The following DYNC2H1 variants were observed in gnomAD, a reference collection of about 807,000 sequenced individuals.
The protein encoded by DYNC2H1 is cytoplasmic dynein 2 heavy chain 1.
DYNC2H1 carries 410 observed loss-of-function variants against 570.0 expected under a neutral mutation model. That is an observed-to-expected ratio of 0.72 (90% CI 0.66 to 0.78). The LOEUF is 0.78. Among genes scored for constraint, DYNC2H1 ranks in the 30% least tolerant of loss-of-function variants. The pLI is 0.00. For missense variants in DYNC2H1, 4,865 were observed against 5,046.4 expected (o/e 0.96, Z 1.09); for synonymous variants, 1,688 against 1,677.6 (o/e 1.01, Z -0.15).
In DYNC2H1 at chr11:103,326,433, G is replaced by A. The variant is rs1434034088; in HGVS notation, c.12039+2443G>A. The stretch of plus-strand genomic sequence containing the variant: ...AGCCCTGTGGAGGGACGTACGAACC[G>A]CCTCTGTGCTGGCCCACAAACCTGC... On this transcript the variant is annotated intron_variant, in intron 82 of 88. Transcript: ENST00000375735. This position sits in a 1 kb window ranked among gnomAD's most constrained non-coding sequence, Gnocchi z 6.1. 1.3e-5 allele frequency among the ~76,000 whole-genome samples: 2 copies of A among 152,142 alleles called. No homozygotes were observed. The highest frequency in any genetic ancestry group is 1.5e-5 in the Non-Finnish European group (1 of 68,022).
intron 83 of DYNC2H1, among the ~76,000 whole-genome samples, chr11:103,397,477 T>C (rs1831877871): frequency 6.6e-6 from 1 of 152,220 alleles, no homozygotes; most frequent in African/African-American, 2.4e-5. Flanking sequence ...ACATACAATT[T>C]AACATGTTGC....
Position 103,204,970 on chromosome 11 carries a change from T to G in DYNC2H1, c.8454+6T>G. 6.5e-7 allele frequency: 1 copy of G among 1,547,916 alleles called. No individual in the cohort carries two copies. Among genetic ancestry groups the G allele is most frequent in the Non-Finnish European group, 8.7e-7 (1 of 1,149,476 alleles). Reference sequence around the variant, plus strand: ...CCAATAGCAGTATGAAGAAAGTAAGTTTAACAAATATTAAAAAATTTAAAA... The same window carrying G: ...CCAATAGCAGTATGAAGAAAGTAAGGTTAACAAATATTAAAAAATTTAAAA... On this transcript the variant is annotated splice_donor_region_variant and intron_variant, in intron 52 of 88. Coordinates refer to ENST00000375735, the MANE Select transcript of DYNC2H1 (RefSeq NM_001377.3). This position sits in a 1 kb window ranked among gnomAD's most constrained non-coding sequence, Gnocchi z 4.1.
intron 31 of DYNC2H1, among the ~76,000 whole-genome samples, chr11:103,168,053 T>C (rs958548972): frequency 1.3e-5 from 2 of 152,220 alleles, no homozygotes; most frequent in African/African-American, 4.8e-5. Context: ...CATTTTATGG[T>C]TCCCTCAGCC....
At chr11:103,220,386 A>C (rs980130480) in intron 56 of DYNC2H1, among the ~76,000 whole-genome samples, 1 of 152,166 alleles carries the variant, frequency 6.6e-6, no homozygotes, top group Non-Finnish European at 1.5e-5. Context: ...AATTGTCTCA[A>C]AACAAGTTAG....
rs778989999 is a variant in DYNC2H1 at position 103,200,150 on chromosome 11, T to G, written c.8193T>G (p.Ser2731=). ...TGGAGATGATCAATAGCCTTTTGTC[T>G]TCAGGCAAGTGAACAGTTTCTTTTC... ...TFLEMINSLL[S]SGEVPGLYTL... Residue 2731 remains serine, a synonymous_variant, in exon 50 of 89, where the codon TCT becomes TCG. Coordinates refer to ENST00000375735, the MANE Select transcript of DYNC2H1 (RefSeq NM_001377.3). 3.2e-6 allele frequency: 5 copies of G among 1,550,442 alleles called. No individual in the cohort carries two copies. The highest frequency in any genetic ancestry group is 4.4e-6 in the Non-Finnish European group (5 of 1,142,726).
At position 103,259,945 on chromosome 11, in the gene DYNC2H1, G is replaced by T. The variant is rs1238053472; in HGVS notation, c.10663G>T (p.Val3555Leu). The change falls in exon 70 of 89, where the codon GTA becomes TTA. Residue 3555 changes from valine (V) to leucine (L), a missense_variant. Physicochemically the swap from Val to Leu is conservative, Grantham distance 32. Transcript: ENST00000375735. ...ACTTATCAGCTCATTACAACATATG[G>T]TATATGAATATATATGTCGTTGTCT... ...QSLISSLQHM[V>L]YEYICRCLFK... 6.5e-7 allele frequency: 1 copy of T among 1,529,268 alleles called. No individual in the cohort carries two copies. The highest frequency in any genetic ancestry group is 2.0e-5 in the Admixed American group (1 of 50,340). 94.7% of individuals were successfully genotyped at this position (1,529,268 alleles called of 1,614,324 possible).
intron 73 of DYNC2H1, among the ~76,000 whole-genome samples, chr11:103,285,563 C>G (rs1208390830): frequency 6.6e-6 from 1 of 151,446 alleles, no homozygotes; most frequent in Non-Finnish European, 1.5e-5. Flanking sequence ...GCTGTGATCA[C>G]AGGCGCCCAC....
Position 103,280,269 on chromosome 11 carries a change from T to C in DYNC2H1, c.10696-79T>C. The C allele has an allele frequency of 2.9e-6, 4 of 1,394,888 alleles. No homozygotes were observed. The highest frequency in any genetic ancestry group is 2.5e-5 in the East Asian group (1 of 39,932). The allele number at this position is 1,394,888 out of a possible 1,614,324, so 86.4% of individuals were successfully genotyped here. ...TATGAAGACAGAATAGAGATTTTTG[T>C]GTGCCAAATTTTAACGACTATGCTT... On this transcript the variant is annotated intron_variant, in intron 70 of 88. Coordinates refer to ENST00000375735, the MANE Select transcript of DYNC2H1 (RefSeq NM_001377.3). The surrounding 1 kb of genome is among the most constrained non-coding windows in gnomAD (Gnocchi z 4.7).
intron 83 of DYNC2H1, among the ~76,000 whole-genome samples, chr11:103,374,682 A>G (rs901035123): frequency 6.6e-6 from 1 of 152,168 alleles, no homozygotes; most frequent in African/African-American, 2.4e-5. Context: ...CACTCTGGCT[A>G]TGCTTTAGTA....
chr11:103,187,505 A>G lies in DYNC2H1; in HGVS notation c.7059A>G (p.Arg2353=). 3 of 1,613,398 alleles carry G rather than the reference A, an allele frequency of 1.9e-6. No homozygotes were observed. Among genetic ancestry groups the G allele is most frequent in the Non-Finnish European group, 2.5e-6 (3 of 1,179,502 alleles). ...GRVYRPKDCE[R]LVLYLKDINL... is the part of the protein sequence containing the mutation. ...TATACAGACCAAAAGACTGTGAAAGACTTGTTCTGTACTTAAAAGATATCA... is the reference window on the plus strand; with the variant it reads ...TATACAGACCAAAAGACTGTGAAAGGCTTGTTCTGTACTTAAAAGATATCA... Residue 2353 remains arginine (R), a synonymous_variant, in exon 43 of 89, where the codon AGA becomes AGG. Coordinates refer to ENST00000375735, the MANE Select transcript of DYNC2H1 (RefSeq NM_001377.3).
At chr11:103,378,602 T>C (rs1048495289) in intron 83 of DYNC2H1, among the ~76,000 whole-genome samples, 2 of 152,222 alleles carry the variant, frequency 1.3e-5, no homozygotes, top group Admixed American at 1.3e-4. Context: ...TTGGATCTCA[T>C]TGAAATGAAA....
In DYNC2H1 at chr11:103,222,103, G is replaced by A. The variant is rs1166308887; in HGVS notation, c.9181G>A (p.Glu3061Lys). 1 of 1,604,522 alleles carries A rather than the reference G, an allele frequency of 6.2e-7. No homozygotes were observed. Among genetic ancestry groups the A allele is most frequent in the Non-Finnish European group, 8.5e-7 (1 of 1,173,908 alleles). ...CCGAAATATTTCAAAGGAAATAAGA[G>A]AGAGTGTTGAAGAACTTCTTTTTAA... ...DARNISKEIR[E>K]SVEELLFKNK... The change falls in exon 58 of 89, where the codon GAG becomes AAG. Residue 3061 changes from glutamate (E) to lysine (K), a missense_variant. Physicochemically the swap from Glu to Lys is moderately conservative, Grantham distance 56. This residue lies in a region of DYNC2H1 where 2,401 missense variants were observed against 2,454.6 expected (regional missense o/e 0.98). Coordinates refer to ENST00000375735, the MANE Select transcript of DYNC2H1 (RefSeq NM_001377.3).
chr11:103,476,899 T>A (rs775595880), intron 88 of DYNC2H1, among the ~76,000 whole-genome samples: 11 of 152,174 alleles, frequency 7.2e-5, no homozygotes, highest in Non-Finnish European at 1.3e-4. Context: ...TTAAGAGATG[T>A]AGTAGCTGCC....
Position 103,239,687 on chromosome 11 carries a change from T to C in DYNC2H1, c.9819+3148T>C, listed in dbSNP as rs1372743757. ...TGTGTGTGTGTGTGTGTAACCTTAT[T>C]TATTTTATATTCTTGTTAATGTAAC... On this transcript the variant is annotated intron_variant, in intron 63 of 88. Coordinates refer to ENST00000375735, the MANE Select transcript of DYNC2H1 (RefSeq NM_001377.3). The surrounding 1 kb of genome is among the most constrained non-coding windows in gnomAD (Gnocchi z 4.3). 6.6e-6 allele frequency among the ~76,000 whole-genome samples: 1 copy of C among 151,494 alleles called. No individual in the cohort carries two copies. The highest frequency in any genetic ancestry group is 1.5e-5 in the Non-Finnish European group (1 of 67,922).
chr11:103,361,423 C>T (rs1940633263), intron 83 of DYNC2H1, among the ~76,000 whole-genome samples: 1 of 152,174 alleles, frequency 6.6e-6, no homozygotes. Context: ...GTGAGAAATA[C>T]ATTTCTGTTG....
chr11:103,439,506 C>T lies in DYNC2H1; in HGVS notation c.12456+3474C>T, dbSNP rs1261673653. On this transcript the variant is annotated intron_variant, in intron 85 of 88. Coordinates refer to ENST00000375735, the MANE Select transcript of DYNC2H1 (RefSeq NM_001377.3). The surrounding 1 kb of genome is among the most constrained non-coding windows in gnomAD (Gnocchi z 4.1). ...TCCTAAGGACAAAAGGTAACCATTGCAGCATTTTAAGAAGGAAAGTCAGAT... is the reference window on the plus strand; with the variant it reads ...TCCTAAGGACAAAAGGTAACCATTGTAGCATTTTAAGAAGGAAAGTCAGAT... Among the ~76,000 whole-genome samples the T allele has an allele frequency of 6.6e-6, 1 of 152,028 alleles. No homozygotes were observed. Among genetic ancestry groups the T allele is most frequent in the African/African-American group, 2.4e-5 (1 of 41,422 alleles).
chr11:103,409,802 A>C (rs190414771), intron 84 of DYNC2H1: 89 of 145,296 alleles, frequency 6.1e-4, no homozygotes, highest in Admixed American at 1.3e-3. Flanking sequence ...GTTTCAGGGG[A>C]CTTGGCTATG....
At chr11:103,451,027 A>G (rs1207180778) in intron 85 of DYNC2H1, among the ~76,000 whole-genome samples, 2 of 152,088 alleles carry the variant, frequency 1.3e-5, no homozygotes, top group African/African-American at 4.8e-5. Flanking sequence ...TGGCTGTGTA[A>G]TTTTGTAGTG....
In DYNC2H1 at chr11:103,187,473, G is replaced by A; in HGVS notation, c.7027G>A (p.Gly2343Ser). The A allele has an allele frequency of 6.2e-7, 1 of 1,613,250 alleles. No individual in the cohort carries two copies. Among genetic ancestry groups the A allele is most frequent in the Non-Finnish European group, 8.5e-7 (1 of 1,179,472 alleles). Residue 2343 changes from glycine to serine, a missense_variant, in exon 43 of 89, where the codon GGT becomes AGT. Transcript: ENST00000375735. ...TTGCATGGTAATCAGTACTAATACT[G>A]GTCGTGTATACAGACCAAAAGACTG... ...QTCMVISTNTGRVYRPKDCER... is the reference protein window; with the variant it reads ...QTCMVISTNTSRVYRPKDCER...
Sources: allele counts gnomAD v4.1 joint callset (sites outside exome capture counted in the v4.1 genomes callset), GRCh38; gene constraint gnomAD v4.1.1; regional missense constraint gnomAD v4.1.1; non-coding constraint Gnocchi (gnomAD v3.1); transcripts MANE v1.5; gene names NCBI Gene and HGNC (gene_info 2026-07-23, HGNC 2026-07-21).